CPT1A: variants seen among roughly 807,000 people sequenced by gnomAD.
The protein encoded by CPT1A is carnitine palmitoyltransferase 1A.
In CPT1A, 64 loss-of-function variants were observed where a neutral mutation model predicts 100.8. That is an observed-to-expected ratio of 0.63 (90% confidence interval 0.52 to 0.78). The LOEUF is 0.78. Ranked by LOEUF, CPT1A falls within the 30% of genes least tolerant of loss-of-function variation. The pLI, the probability that CPT1A is intolerant of heterozygous loss-of-function variation, is 0.00. For missense variants in CPT1A, 802 were observed against 1,034.1 expected (o/e 0.78, Z 3.08); for synonymous variants, 363 against 396.0 (o/e 0.92, Z 0.99).
intron 7 of CPT1A, among the ~76,000 whole-genome samples, chr11:68,795,392 C>T (rs1277162310): frequency 6.6e-6 from 1 of 152,202 alleles, no homozygotes; most frequent in African/African-American, 2.4e-5. Context: ...AGTCTATGTA[C>T]ACACCATGTC....
intron 1 of CPT1A, among the ~76,000 whole-genome samples, chr11:68,821,723 C>T (rs1265078579): frequency 6.6e-6 from 1 of 151,708 alleles, no homozygotes; most frequent in Non-Finnish European, 1.5e-5. Flanking sequence ...TTCTTTTTCC[C>T]CAAATGTTTT....
At chr11:68,781,308 G>C (rs1475918197) in intron 11 of CPT1A, among the ~76,000 whole-genome samples, 1 of 152,150 alleles carries the variant, frequency 6.6e-6, no homozygotes, top group African/African-American at 2.4e-5. Context: ...ATGTGTGATA[G>C]TTTTGGCAGA....
At chr11:68,824,708 C>T (rs1334433463) in intron 1 of CPT1A, among the ~76,000 whole-genome samples, 5 of 151,494 alleles carry the variant, frequency 3.3e-5, no homozygotes, top group Non-Finnish European at 7.4e-5. Flanking sequence ...TGGGTGTGAG[C>T]CATGGCACTC....
chr11:68,770,132 C>T (rs1854946884), intron 14 of CPT1A, among the ~76,000 whole-genome samples: 3 of 151,618 alleles, frequency 2.0e-5, no homozygotes, highest in Admixed American at 2.0e-4. Flanking sequence ...CATCCAAAAT[C>T]ATGGCTTTTT....
Position 68,784,795 on chromosome 11 carries a change from A to G in CPT1A, c.1163+20T>C. 1.9e-6 allele frequency: 3 copies of G among 1,603,070 alleles called. No homozygotes were observed. Among genetic ancestry groups the G allele is most frequent in the Middle Eastern group, 3.4e-4 (2 of 5,922 alleles). ...CCTCCACCACCCCCCAAAACAGGACAAGGGACCTAGGCTGCGCACCTGTCT... is the reference window on the plus strand; with the variant it reads ...CCTCCACCACCCCCCAAAACAGGACGAGGGACCTAGGCTGCGCACCTGTCT... On this transcript the variant is annotated intron_variant, in intron 10 of 18. Transcript: ENST00000265641.
chr11:68,811,694 G>A (rs1856213837), intron 3 of CPT1A, among the ~76,000 whole-genome samples: 2 of 152,174 alleles, frequency 1.3e-5, no homozygotes, highest in Non-Finnish European at 2.9e-5. Flanking sequence ...ACTGGTAAAA[G>A]GGACCCTAAT....
intron 7 of CPT1A, 24 bp downstream of exon 7, chr11:68,796,832 A>T: frequency 6.2e-7 from 1 of 1,611,974 alleles, no homozygotes; most frequent in Non-Finnish European, 8.5e-7. Context: ...CTCGTCAGAC[A>T]GCAGCCCGGG....
chr11:68,764,345 C>T (rs572275076), intron 14 of CPT1A, among the ~76,000 whole-genome samples: 18 of 152,354 alleles, frequency 1.2e-4, no homozygotes, highest in African/African-American at 4.3e-4. Flanking sequence ...TGCACCCTGG[C>T]ACAGGCCCTG....
intron 9 of CPT1A, among the ~76,000 whole-genome samples, chr11:68,788,916 A>T (rs1042178395): frequency 3.3e-5 from 5 of 152,180 alleles, no homozygotes; most frequent in African/African-American, 1.2e-4. Flanking sequence ...AATGTCAACC[A>T]GGGCAGCCGG....
intron 1 of CPT1A, chr11:68,839,811 G>A: frequency 1.6e-6 from 1 of 606,088 alleles, no homozygotes; most frequent in Non-Finnish European, 2.1e-6. Flanking sequence ...TTGACCGCTC[G>A]GTGACCACTG....
rs2153999798 is a variant in CPT1A, at chr11:68,794,794, G to A, written c.879+10C>T. The A allele has an allele frequency of 1.2e-6, 2 of 1,605,594 alleles. No homozygotes were observed. The highest frequency in any genetic ancestry group is 1.3e-5 in the African/African-American group (1 of 74,874). On this transcript the variant is annotated intron_variant, in intron 8 of 18. Transcript: ENST00000265641. ...GAAAATAATTTTTTTAAAGCAATTT[G>A]TTTGCCTACTGGTTTGATTTCCTCC...
chr11:68,777,379 G>C (rs940644347), intron 12 of CPT1A, among the ~76,000 whole-genome samples: 1 of 152,178 alleles, frequency 6.6e-6, no homozygotes, highest in African/African-American at 2.4e-5. Flanking sequence ...GCAGTGAGCT[G>C]AGATTGCACC....
chr11:68,782,043 T>C (rs1316348868), intron 10 of CPT1A, 84 bp from the exon 11 acceptor site: 5 of 1,326,102 alleles, frequency 3.8e-6, no homozygotes, highest in Non-Finnish European at 5.4e-6. Context: ...ATCAAACCTT[T>C]GCAGTTTTTC....
chr11:68,796,786 C>T (rs188875088), intron 7 of CPT1A, 70 bp downstream of exon 7: 293 of 1,478,306 alleles, frequency 2.0e-4, no homozygotes, highest in Non-Finnish European at 2.6e-4. Context: ...CCTGTGAAGA[C>T]GCCACCTCTG....
chr11:68,811,245 A>G (rs1053068344), intron 3 of CPT1A, among the ~76,000 whole-genome samples: 2 of 151,976 alleles, frequency 1.3e-5, no homozygotes, highest in African/African-American at 4.8e-5. Context: ...CAGGTGATCG[A>G]CCCACCTCGG....
intron 17 of CPT1A, 110 bp downstream of exon 17, chr11:68,760,115 T>C: frequency 1.3e-6 from 1 of 759,872 alleles, no homozygotes; most frequent in Non-Finnish European, 2.3e-6. Context: ...TTTACGGCGG[T>C]AGAACCGCAA....
intron 1 of CPT1A, among the ~76,000 whole-genome samples, chr11:68,828,264 C>T (rs1175868012): frequency 3.3e-5 from 5 of 152,242 alleles, no homozygotes; most frequent in African/African-American, 9.6e-5. Context: ...CTGCCCACCT[C>T]GCCATCGCTG....
chr11:68,773,267 T>C lies in CPT1A; in HGVS notation c.1738A>G (p.Lys580Glu). The C allele has an allele frequency of 1.2e-6, 2 of 1,613,914 alleles. No individual in the cohort carries two copies. Among genetic ancestry groups the C allele is most frequent in the Non-Finnish European group, 1.7e-6 (2 of 1,179,978 alleles). The stretch of plus-strand genomic sequence containing the variant: ...AACCCTAGGCGGTCAGTTCTTACCT[T>C]GTAGTGCGCCAGCTGGAGGGCCAGC... Reference protein sequence around the residue: ...VQLALQLAHYKDMGKFCLTYE... With the variant: ...VQLALQLAHYEDMGKFCLTYE... The change falls in exon 14 of 19, where the codon AAG becomes GAG. Residue 580 changes from lysine (K) to glutamate (E), a missense_variant and splice_region_variant. Lys to Glu is a moderately conservative substitution (Grantham distance 56, BLOSUM62 1). Around this residue, in one of 4 missense-constraint regions of CPT1A, gnomAD observed 627 missense variants for 799.3 expected, o/e 0.78. Transcript: ENST00000265641.
chr11:68,785,957 C>A, intron 9 of CPT1A: 2 of 698,934 alleles, frequency 2.9e-6, no homozygotes, highest in South Asian at 3.0e-5. Flanking sequence ...GAAGTACGTT[C>A]ACTCCACGAA....
Sources: allele counts gnomAD v4.1 joint callset (sites outside exome capture counted in the v4.1 genomes callset), GRCh38; gene constraint gnomAD v4.1.1; regional missense constraint gnomAD v4.1.1; transcripts MANE v1.5; gene names NCBI Gene and HGNC (gene_info 2026-07-23, HGNC 2026-07-21).